The following BRWD1 variants were observed in gnomAD, a reference collection of about 807,000 sequenced individuals.
The protein encoded by BRWD1 is bromodomain and WD repeat-containing protein 1.
A neutral mutation model predicts 251.2 loss-of-function variants in BRWD1; 82 were observed. The observed-to-expected ratio is 0.33, with a 90% confidence interval of 0.27 to 0.39. The LOEUF is 0.39. Ranked by LOEUF, BRWD1 falls within the 10% of genes least tolerant of loss-of-function variation. The pLI is 1.00. For missense variants in BRWD1, 2,233 were observed against 2,711.6 expected (o/e 0.82, Z 3.92); for synonymous variants, 918 against 902.8 (o/e 1.02, Z -0.30).
At chr21:39,312,720 G>T in intron 4 of BRWD1, 121 bp downstream of exon 4, 1 of 592,278 alleles carries the variant, frequency 1.7e-6, no homozygotes. Flanking sequence ...GCTATCCCCG[G>T]GCCGCCCCCC....
chr21:39,261,255 T>C (rs966773165), intron 17 of BRWD1, among the ~76,000 whole-genome samples: 1 of 152,140 alleles, frequency 6.6e-6, no homozygotes, highest in Non-Finnish European at 1.5e-5. Context: ...AATACTGTTA[T>C]GTGTGCACAT....
intron 21 of BRWD1, among the ~76,000 whole-genome samples, chr21:39,244,921 A>AATAAATATATATATAT (rs1330847340): frequency 8.9e-6 from 1 of 112,552 alleles, no homozygotes; most frequent in Non-Finnish European, 1.9e-5. Context: ...CTTTGGAAGA[A>AATAAATATATATATAT]ATATATATAT....
chr21:39,199,972 G>T (rs986053401), intron 39 of BRWD1, among the ~76,000 whole-genome samples: 1 of 146,670 alleles, frequency 6.8e-6, no homozygotes, highest in Non-Finnish European at 1.6e-5. Context: ...GGCTGGTCTC[G>T]AAACTCCTGA....
chr21:39,296,415 A>C, intron 5 of BRWD1, 52 bp from the exon 6 acceptor site: 1 of 1,492,572 alleles, frequency 6.7e-7, no homozygotes, highest in Non-Finnish European at 8.9e-7. Flanking sequence ...AACCCCAAGA[A>C]AGATTTTATA....
chr21:39,272,532 A>G (rs898214843), intron 13 of BRWD1, among the ~76,000 whole-genome samples: 1 of 151,850 alleles, frequency 6.6e-6, no homozygotes, highest in Non-Finnish European at 1.5e-5. Flanking sequence ...GTCTCCAAAA[A>G]AAAAAGTAAA....
At chr21:39,238,285 C>CAA (rs58179212) in intron 22 of BRWD1, among the ~76,000 whole-genome samples, 194 bp downstream of exon 22, 1,799 of 122,328 alleles carry the variant, frequency 0.015, 30 homozygotes, top group African/African-American at 0.052. Flanking sequence ...TGCTTAAAGT[C>CAA]AAAAAAAAAA....
chr21:39,288,745 TAAGG>T (rs948757848), intron 8 of BRWD1, among the ~76,000 whole-genome samples: 2 of 152,168 alleles, frequency 1.3e-5, no homozygotes, highest in Non-Finnish European at 2.9e-5. Context: ...AAGAAAATCG[TAAGG>T]AAGAGAAAAT....
chr21:39,198,611 G>C (rs2031941539), intron 40 of BRWD1, 152 bp downstream of exon 40: 3 of 625,916 alleles, frequency 4.8e-6, no homozygotes, highest in Non-Finnish European at 5.4e-6. Flanking sequence ...AGGATGAACA[G>C]AGAAGGCTAA....
intron 12 of BRWD1, 120 bp from the exon 13 acceptor site, chr21:39,274,592 G>A: frequency 1.2e-6 from 1 of 807,086 alleles, no homozygotes; most frequent in South Asian, 1.6e-5. Flanking sequence ...ACAATCCACA[G>A]GTGTTAATTC....
intron 15 of BRWD1, among the ~76,000 whole-genome samples, chr21:39,265,738 T>C (rs899462312): frequency 1.3e-5 from 2 of 152,236 alleles, no homozygotes; most frequent in Non-Finnish European, 2.9e-5. Context: ...TTTTCTAGAT[T>C]TTAAGGTGGG....
At chr21:39,290,186 T>C (rs944005095) in intron 8 of BRWD1, among the ~76,000 whole-genome samples, 6 of 151,996 alleles carry the variant, frequency 3.9e-5, no homozygotes, top group African/African-American at 1.2e-4. Context: ...TGTGTTCAGA[T>C]GCTGTTAAAA....
At chr21:39,219,200 C>G (rs768661254) in intron 29 of BRWD1, among the ~76,000 whole-genome samples, 1 of 152,072 alleles carries the variant, frequency 6.6e-6, no homozygotes. Flanking sequence ...GTGGGTGGAT[C>G]GCCTGAGGTC....
chr21:39,304,014 G>A (rs1488509488), intron 4 of BRWD1, among the ~76,000 whole-genome samples: 3 of 151,440 alleles, frequency 2.0e-5, no homozygotes, highest in South Asian at 2.1e-4. Context: ...GGTGGCGGGC[G>A]CCTGTAATCC....
At chr21:39,283,431 A>G (rs768462297) in intron 8 of BRWD1, among the ~76,000 whole-genome samples, 2 of 152,202 alleles carry the variant, frequency 1.3e-5, no homozygotes, top group Non-Finnish European at 2.9e-5. Flanking sequence ...TTCTTCATAA[A>G]CATATTTCAC....
Position 39,200,317 on chromosome 21 carries a change from T to C in BRWD1, c.4655A>G (p.Lys1552Arg), listed in dbSNP as rs769838578. 1.2e-6 allele frequency: 2 copies of C among 1,614,158 alleles called. No homozygotes were observed. The highest frequency in any genetic ancestry group is 2.2e-5 in the East Asian group (1 of 44,878). The change falls in exon 39 of 41, where the codon AAA (lysine) becomes AGA (arginine). Residue 1552 changes from lysine to arginine, a missense_variant. Physicochemically the swap from Lys to Arg is conservative, Grantham distance 26. Around this residue, in one of 12 missense-constraint regions of BRWD1, gnomAD observed 928 missense variants for 970.0 expected, o/e 0.96. Transcript: ENST00000342449. ...GGATTCACGAGCTCTGGAACTCTCT[T>C]TGCTTTCCTCAGAACTACTGGAAGC... ...SSASSSSEES[K>R]ESSRARESSS...
Position 39,189,786 on chromosome 21 carries a change from A to T in BRWD1, c.*6473T>A. 1.0e-6 allele frequency: 1 copy of T among 984,262 alleles called. No homozygotes were observed. The highest frequency in any genetic ancestry group is 1.7e-5 in the African/African-American group (1 of 57,318). 61.0% of individuals were successfully genotyped at this position (984,262 alleles called of 1,614,324 possible). A position where few individuals can be genotyped will look rare whatever the true frequency, so the allele number is the denominator to read the frequency against. ...ACTACAAACAGTTTTAGAAATATAT[A>T]TAGGATATTTCAGGGTTAGAAGTCA... On this transcript the variant is annotated 3_prime_UTR_variant, in exon 41 of 41. Transcript: ENST00000342449.
chr21:39,191,607 C>T lies in BRWD1; in HGVS notation c.*4652G>A. 1 of 984,728 alleles carries T rather than the reference C, an allele frequency of 1.0e-6. No individual in the cohort carries two copies. The highest frequency in any genetic ancestry group is 4.7e-5 in the South Asian group (1 of 21,254). The allele number at this position is 984,728 out of a possible 1,614,324, so 61.0% of individuals were successfully genotyped here. A position where few individuals can be genotyped will look rare whatever the true frequency, so the allele number is the denominator to read the frequency against. On this transcript the variant is annotated 3_prime_UTR_variant, in exon 41 of 41. Transcript: ENST00000342449. Reference sequence around the variant, plus strand: ...TGTAGGTGAATATATAGTTGCAGTCCAAGGACTGATTCACATTTAGAAAAT... The same window carrying T: ...TGTAGGTGAATATATAGTTGCAGTCTAAGGACTGATTCACATTTAGAAAAT...
chr21:39,205,905 C>A (rs961975478), intron 37 of BRWD1, among the ~76,000 whole-genome samples: 5 of 152,110 alleles, frequency 3.3e-5, no homozygotes, highest in African/African-American at 1.2e-4. Flanking sequence ...CATGGTGAAA[C>A]CCTGTCTCTT....
chr21:39,218,083 C>G, intron 31 of BRWD1, 69 bp downstream of exon 31: 1 of 1,452,768 alleles, frequency 6.9e-7, no homozygotes, highest in East Asian at 2.4e-5. Context: ...CTATCTCTTT[C>G]TTTGTTTACC....
Sources: allele counts gnomAD v4.1 joint callset (sites outside exome capture counted in the v4.1 genomes callset), GRCh38; gene constraint gnomAD v4.1.1; regional missense constraint gnomAD v4.1.1; transcripts MANE v1.5; gene names NCBI Gene and HGNC (gene_info 2026-07-23, HGNC 2026-07-21).